Variants in PDCD6IP observed in about 807,000 individuals in gnomAD.
PDCD6IP encodes the protein programmed cell death 6 interacting protein, also known as programmed cell death 6-interacting protein.
A neutral mutation model predicts 103.7 loss-of-function variants in PDCD6IP; 43 were observed. That is an observed-to-expected ratio of 0.41 (90% confidence interval 0.32 to 0.53). PDCD6IP has a LOEUF of 0.53. Among genes scored for constraint, PDCD6IP ranks in the 20% least tolerant of loss-of-function variants. PDCD6IP has a pLI of 0.16. For missense variants in PDCD6IP, 871 were observed against 1,036.7 expected (o/e 0.84, Z 2.20); for synonymous variants, 354 against 378.7 (o/e 0.93, Z 0.76).
At chr3:33,827,131 A>C (rs1343560606) in intron 6 of PDCD6IP, 2 of 985,292 alleles carry the variant, frequency 2.0e-6, no homozygotes, top group African/African-American at 3.5e-5. Flanking sequence ...CACATATCAC[A>C]GGAAGTATAA....
intron 3 of PDCD6IP, among the ~76,000 whole-genome samples, chr3:33,818,933 A>T (rs751474297): frequency 2.0e-5 from 3 of 151,958 alleles, no homozygotes; most frequent in African/African-American, 4.8e-5. Context: ...TTTATCTTTC[A>T]TGTTTAGAAA....
At chr3:33,800,761 A>T (rs6797057) in intron 1 of PDCD6IP, among the ~76,000 whole-genome samples, 39,927 of 152,106 alleles carry the variant, frequency 0.26, 5,533 homozygotes, top group East Asian at 0.39. Flanking sequence ...GTTGTGGTAT[A>T]ATGAGCCCTG....
intron 15 of PDCD6IP, among the ~76,000 whole-genome samples, chr3:33,856,884 G>C (rs559219504): frequency 1.3e-5 from 2 of 152,150 alleles, no homozygotes; most frequent in South Asian, 2.1e-4. Flanking sequence ...TTTATATCCA[G>C]ACTGTCTTTT....
intron 12 of PDCD6IP, among the ~76,000 whole-genome samples, chr3:33,845,803 C>G (rs1250439283): frequency 6.6e-6 from 1 of 152,012 alleles, no homozygotes; most frequent in African/African-American, 2.4e-5. Flanking sequence ...ATTGAATGCC[C>G]TTTTTTGAAC....
intron 3 of PDCD6IP, among the ~76,000 whole-genome samples, chr3:33,817,271 G>C (rs1325234421): frequency 1.3e-5 from 2 of 152,036 alleles, no homozygotes; most frequent in Non-Finnish European, 2.9e-5. Context: ...ACTCGAGTGT[G>C]GTATAGTATC....
intron 7 of PDCD6IP, 47 bp downstream of exon 7, chr3:33,829,016 C>CT (rs761372014): frequency 3.6e-5 from 53 of 1,456,418 alleles, no homozygotes; most frequent in South Asian, 1.3e-4. Context: ...TTGGATCTCT[C>CT]TTTTTTTTCC....
intron 7 of PDCD6IP, among the ~76,000 whole-genome samples, chr3:33,835,759 CT>C (rs1207853366): frequency 1.3e-5 from 2 of 152,056 alleles, no homozygotes; most frequent in Non-Finnish European, 2.9e-5. Flanking sequence ...CAACAGCCAG[CT>C]TTCTTCAATG....
Position 33,868,269 on chromosome 3 carries a change from G to C in PDCD6IP, c.*1744G>C, listed in dbSNP as rs1698109936. The C allele has an allele frequency of 6.6e-6, 1 of 152,180 alleles. No homozygotes were observed. The highest frequency in any genetic ancestry group is 2.4e-5 in the African/African-American group (1 of 41,446). The allele number at this position is 152,180 out of a possible 1,614,324, so 9.4% of individuals were successfully genotyped here. Reference sequence around the variant, plus strand: ...GTGAGAGTTAGAGGTATTACAAGTTGCTAGTTTATAATGTCTTACTAATGC... The same window carrying C: ...GTGAGAGTTAGAGGTATTACAAGTTCCTAGTTTATAATGTCTTACTAATGC... On this transcript the variant is annotated 3_prime_UTR_variant, in exon 18 of 18. Coordinates refer to ENST00000307296, the MANE Select transcript of PDCD6IP (RefSeq NM_013374.6).
chr3:33,861,207 C>T (rs372940679), intron 15 of PDCD6IP, among the ~76,000 whole-genome samples: 16 of 151,260 alleles, frequency 1.1e-4, no homozygotes, highest in Admixed American at 6.6e-5. Context: ...TGCAGTGGCA[C>T]GATCTCGGCT....
intron 9 of PDCD6IP, among the ~76,000 whole-genome samples, chr3:33,839,439 A>AGCAGTATTCCATTTTATGGTTATAGG (rs953784866): frequency 6.6e-6 from 1 of 152,004 alleles, no homozygotes; most frequent in Non-Finnish European, 1.5e-5. Flanking sequence ...TCTATGGCTG[A>AGCAGTATTCCATTTTATGGTTATAGG]GCAGTATTCC....
intron 7 of PDCD6IP, among the ~76,000 whole-genome samples, chr3:33,833,706 C>T (rs1377262407): frequency 1.3e-5 from 2 of 152,098 alleles, no homozygotes; most frequent in African/African-American, 4.8e-5. Context: ...GGCAATATTT[C>T]TTTGGTGAGC....
At chr3:33,822,937 G>A (rs568082848) in intron 4 of PDCD6IP, among the ~76,000 whole-genome samples, 1 of 152,122 alleles carries the variant, frequency 6.6e-6, no homozygotes, top group African/African-American at 2.4e-5. Flanking sequence ...GATTACAGAT[G>A]TGAGCCACCA....
Position 33,869,391 on chromosome 3 carries a change from G to A in PDCD6IP, c.*2866G>A, listed in dbSNP as rs1698138052. The stretch of plus-strand genomic sequence containing the variant: ...GGTATAAAGGAAAAAACCCTGCTAG[G>A]TAGTGTTATAATTGCTAGATTAAAA... On this transcript the variant is annotated 3_prime_UTR_variant, in exon 18 of 18. Transcript: ENST00000307296. 6.6e-6 allele frequency: 1 copy of A among 152,160 alleles called. No individual in the cohort carries two copies. Among genetic ancestry groups the A allele is most frequent in the Non-Finnish European group, 1.5e-5 (1 of 68,028 alleles). The allele number at this position is 152,160 out of a possible 1,614,324, so 9.4% of individuals were successfully genotyped here. A position where few individuals can be genotyped will look rare whatever the true frequency, so the allele number is the denominator to read the frequency against.
At position 33,868,445 on chromosome 3, in the gene PDCD6IP, G is replaced by T. The variant is rs1365747943; in HGVS notation, c.*1920G>T. 6.6e-6 allele frequency: 1 copy of T among 152,618 alleles called. No homozygotes were observed. Among genetic ancestry groups the T allele is most frequent in the African/African-American group, 2.4e-5 (1 of 41,456 alleles). The allele number at this position is 152,618 out of a possible 1,614,324, so 9.5% of individuals were successfully genotyped here. On this transcript the variant is annotated 3_prime_UTR_variant, in exon 18 of 18. Coordinates refer to ENST00000307296, the MANE Select transcript of PDCD6IP (RefSeq NM_013374.6). Reference sequence around the variant, plus strand: ...GGGCCTGCTCACAGAGCCACAGGAAGATCATTCAGAAACTAGGAAAGGAGG... The same window carrying T: ...GGGCCTGCTCACAGAGCCACAGGAATATCATTCAGAAACTAGGAAAGGAGG...
At chr3:33,821,902 G>A (rs1290225399) in intron 3 of PDCD6IP, 53 bp from the exon 4 acceptor site, 1 of 1,537,906 alleles carries the variant, frequency 6.5e-7, no homozygotes, top group Non-Finnish European at 8.9e-7. Flanking sequence ...TGAAACATTT[G>A]TTTTCTTTAG....
rs1285458780 is a variant in PDCD6IP at position 33,868,737 on chromosome 3, C to A, written c.*2212C>A. On this transcript the variant is annotated 3_prime_UTR_variant, in exon 18 of 18. Coordinates refer to ENST00000307296, the MANE Select transcript of PDCD6IP (RefSeq NM_013374.6). Reference sequence around the variant, plus strand: ...CATATTTATAATTAGGCTTTATTATCTTCCTAAATCAAGGAAAGGAAATCA... The same window carrying A: ...CATATTTATAATTAGGCTTTATTATATTCCTAAATCAAGGAAAGGAAATCA... 6.6e-6 allele frequency: 1 copy of A among 152,164 alleles called. No homozygotes were observed. The highest frequency in any genetic ancestry group is 1.9e-4 in the East Asian group (1 of 5,194). 9.4% of individuals were successfully genotyped at this position (152,164 alleles called of 1,614,324 possible).
chr3:33,817,379 GA>G (rs1696878295), intron 3 of PDCD6IP, among the ~76,000 whole-genome samples: 1 of 152,198 alleles, frequency 6.6e-6, no homozygotes. Flanking sequence ...GATGTTGGGT[GA>G]TTTTTAATTA....
At position 33,813,119 on chromosome 3, in the gene PDCD6IP, C is replaced by T. The variant is rs189596341; in HGVS notation, c.265-440C>T. ...AGTGAATATGTCTGTATAACCACCA[C>T]CTAGATAAATAAATAAAATATTAAC... On this transcript the variant is annotated intron_variant, in intron 2 of 17. Transcript: ENST00000307296. Among the ~76,000 whole-genome samples the T allele has an allele frequency of 1.2e-3, 178 of 152,200 alleles. 1 individual carries two copies. Among genetic ancestry groups the T allele is most frequent in the South Asian group, 2.1e-3 (10 of 4,816 alleles).
chr3:33,825,488 T>C (rs1575917082), intron 5 of PDCD6IP, 148 bp downstream of exon 5: 1 of 637,736 alleles, frequency 1.6e-6, no homozygotes, highest in African/African-American at 1.9e-5. Flanking sequence ...GCTATCCTTT[T>C]CTGAATTTGT....
Sources: allele counts gnomAD v4.1 joint callset (sites outside exome capture counted in the v4.1 genomes callset), GRCh38; gene constraint gnomAD v4.1.1; transcripts MANE v1.5; gene names NCBI Gene and HGNC (gene_info 2026-07-23, HGNC 2026-07-21).